Variants in COMMD1 observed in about 807,000 individuals in gnomAD.
The protein encoded by COMMD1 is COMM domain-containing protein 1.
In COMMD1, 10 loss-of-function variants were observed where a neutral mutation model predicts 17.2. That is an observed-to-expected ratio of 0.58 (90% CI 0.36 to 0.99). The LOEUF is 0.99. COMMD1 is among the 50% of genes least tolerant of loss of function. The probability of loss-of-function intolerance (pLI) is 0.01; values close to 1 mark genes in which losing one functional copy is unlikely to be tolerated. For missense variants in COMMD1, 270 were observed against 231.8 expected (o/e 1.17, Z -1.07); for synonymous variants, 97 against 91.6 (o/e 1.06, Z -0.34).
Position 61,929,067 on chromosome 2 carries a change from C to T in COMMD1, c.180+23209C>T, listed in dbSNP as rs542665846. On this transcript the variant is annotated intron_variant, in intron 1 of 2. Coordinates refer to ENST00000311832, the MANE Select transcript of COMMD1 (RefSeq NM_152516.4). ...GTTCATTGGTTCCAGAGGTTCAAAGCCAGAGTTATTATCAGTTCATTGGTG... is the reference window on the plus strand; with the variant it reads ...GTTCATTGGTTCCAGAGGTTCAAAGTCAGAGTTATTATCAGTTCATTGGTG... Among the ~76,000 whole-genome samples the T allele has an allele frequency of 2.0e-5, 3 of 152,302 alleles. No individual in the cohort carries two copies. In the South Asian group the frequency reaches 6.2e-4, roughly 32 times the overall value.
intron 1 of COMMD1, among the ~76,000 whole-genome samples, chr2:61,894,349 G>A (rs533366685): frequency 2.6e-4 from 40 of 151,918 alleles, no homozygotes; most frequent in African/African-American, 6.5e-4. Flanking sequence ...TGATTCACCC[G>A]CCTTGGCCTC....
chr2:62,061,971 TAGAC>T (rs945418790), intron 2 of COMMD1, among the ~76,000 whole-genome samples: 1 of 129,536 alleles, frequency 7.7e-6, no homozygotes, highest in African/African-American at 3.1e-5. Flanking sequence ...AATTAGTGAA[TAGAC>T]AGTTACAGCA....
chr2:61,901,660 A>G (rs1347670614), upstream of COMMD1, among the ~76,000 whole-genome samples: 1 of 152,132 alleles, frequency 6.6e-6, no homozygotes, highest in Non-Finnish European at 1.5e-5. Flanking sequence ...CCTACTACTT[A>G]TTTAATTTTT....
At position 62,012,477 on chromosome 2, in the gene COMMD1, C is replaced by T. The variant is rs560576231; in HGVS notation, c.462+11495C>T. Among the ~76,000 whole-genome samples, 104 of 152,094 alleles carry T rather than the reference C, an allele frequency of 6.8e-4. 1 individual carries two copies. The highest frequency in any genetic ancestry group is 2.5e-3 in the African/African-American group (103 of 41,502). The stretch of plus-strand genomic sequence containing the variant: ...GGGATTACAGGCATGCACCACCACG[C>T]CCAGCTAATTTTGTGTTTTTAGTAG... On this transcript the variant is annotated intron_variant, in intron 2 of 2. Coordinates refer to ENST00000311832, the MANE Select transcript of COMMD1 (RefSeq NM_152516.4).
chr2:62,122,529 G>C (rs1672778904), intron 2 of COMMD1, among the ~76,000 whole-genome samples: 2 of 151,272 alleles, frequency 1.3e-5, no homozygotes, highest in South Asian at 2.1e-4. Flanking sequence ...ACAGGGAACA[G>C]AGTGTATGTC....
At chr2:62,078,215 C>T (rs1335197925) in intron 2 of COMMD1, among the ~76,000 whole-genome samples, 2 of 114,690 alleles carry the variant, frequency 1.7e-5, no homozygotes, top group African/African-American at 7.1e-5. Flanking sequence ...GCGGAGCTTG[C>T]AGTGAGCGGA....
intron 2 of COMMD1, among the ~76,000 whole-genome samples, chr2:62,014,026 TATG>T (rs1669362735): frequency 6.6e-6 from 1 of 152,356 alleles, no homozygotes; most frequent in African/African-American, 2.4e-5. Context: ...CATTGTTTCT[TATG>T]ATGTGCCCTT....
intron 2 of COMMD1, among the ~76,000 whole-genome samples, chr2:62,068,698 C>A (rs1671121220): frequency 6.8e-6 from 1 of 148,070 alleles, no homozygotes; most frequent in East Asian, 2.0e-4. Flanking sequence ...GATCTCGGCT[C>A]ACTGTAACCT....
intron 2 of COMMD1, chr2:62,069,985 A>G (rs887800299): frequency 2.3e-4 from 35 of 152,214 alleles, no homozygotes; most frequent in African/African-American, 8.0e-4. Context: ...TAACCACTCA[A>G]AAGTTAGCAT....
chr2:62,106,938 C>T (rs1381568185), intron 2 of COMMD1, among the ~76,000 whole-genome samples: 1 of 152,164 alleles, frequency 6.6e-6, no homozygotes, highest in Admixed American at 6.5e-5. Context: ...TCCCTAGGCC[C>T]TATGAGGCCC....
intron 2 of COMMD1, among the ~76,000 whole-genome samples, chr2:62,054,903 A>G (rs1015948564): frequency 6.6e-6 from 1 of 152,216 alleles, no homozygotes; most frequent in Non-Finnish European, 1.5e-5. Context: ...CACAAACCCT[A>G]TTGTGAACTG....
At chr2:62,007,192 A>C (rs1393576187) in intron 2 of COMMD1, among the ~76,000 whole-genome samples, 1 of 152,042 alleles carries the variant, frequency 6.6e-6, no homozygotes, top group African/African-American at 2.4e-5. Flanking sequence ...GCACTTGTCT[A>C]GTTTTGGGTT....
At chr2:61,919,160 C>T (rs189502629) in intron 1 of COMMD1, among the ~76,000 whole-genome samples, 2 of 152,012 alleles carry the variant, frequency 1.3e-5, no homozygotes, top group African/African-American at 2.4e-5. Flanking sequence ...TACAGGCATG[C>T]GCCACCATGC....
At chr2:62,054,932 G>A (rs1362285043) in intron 2 of COMMD1, among the ~76,000 whole-genome samples, 2 of 152,312 alleles carry the variant, frequency 1.3e-5, no homozygotes, top group East Asian at 3.9e-4. Context: ...AGGGATCTAG[G>A]TTGCACACTC....
In COMMD1 at chr2:62,062,607, G is replaced by A. The variant is rs111388174; in HGVS notation, c.462+61625G>A. Among the ~76,000 whole-genome samples, 1,149 of 151,968 alleles carry A rather than the reference G, an allele frequency of 7.6e-3. 16 individuals are homozygous for A. Among genetic ancestry groups the A allele is most frequent in the African/African-American group, 0.026 (1,060 of 41,456 alleles). On this transcript the variant is annotated intron_variant, in intron 2 of 2. Coordinates refer to ENST00000311832, the MANE Select transcript of COMMD1 (RefSeq NM_152516.4). ...CCTAATAAATAACTTATTACAAATT[G>A]TTACCCAGTAAAAACCCTGAGACGA...
chr2:61,981,625 G>C (rs1671954596), intron 1 of COMMD1, among the ~76,000 whole-genome samples: 1 of 152,150 alleles, frequency 6.6e-6, no homozygotes, highest in Admixed American at 6.5e-5. Flanking sequence ...ACAGTTCCAC[G>C]TGGCTGGGGA....
chr2:62,055,825 G>C (rs6741703), intron 2 of COMMD1, among the ~76,000 whole-genome samples: 1 of 152,118 alleles, frequency 6.6e-6, no homozygotes, highest in Non-Finnish European at 1.5e-5. Flanking sequence ...TGAATTGATT[G>C]AATAGAGGAT....
At chr2:62,088,835 G>C (rs1164066010) in intron 2 of COMMD1, among the ~76,000 whole-genome samples, 1 of 152,218 alleles carries the variant, frequency 6.6e-6, no homozygotes, top group Non-Finnish European at 1.5e-5. Flanking sequence ...CCAAGGTCGT[G>C]GGGGTACAGC....
intron 1 of COMMD1, among the ~76,000 whole-genome samples, chr2:61,950,356 C>T (rs992668054): frequency 3.9e-5 from 6 of 152,112 alleles, no homozygotes; most frequent in Non-Finnish European, 7.3e-5. Context: ...GCACATTATC[C>T]GATAATAGGC....
Sources: gnomAD v4.1 joint callset for allele counts (sites outside exome capture counted in the v4.1 genomes callset) on GRCh38, gnomAD v4.1.1 for gene constraint, MANE v1.5 for transcripts, NCBI Gene and HGNC (gene_info 2026-07-23, HGNC 2026-07-21) for gene names.